Variants in EDEM2 observed in about 807,000 individuals in gnomAD.
EDEM2 encodes ER degradation-enhancing alpha-mannosidase-like protein 2.
EDEM2 carries 39 observed loss-of-function variants against 64.8 expected under a neutral mutation model. The observed-to-expected ratio is 0.60, with a 90% CI of 0.47 to 0.79. The LOEUF (loss-of-function observed/expected upper bound fraction) is 0.79. Ranked by LOEUF, EDEM2 falls within the 30% of genes least tolerant of loss-of-function variation. The probability of loss-of-function intolerance (pLI) is 0.00; values close to 1 mark genes in which losing one functional copy is unlikely to be tolerated. For synonymous variants in EDEM2, 296 were observed against 291.5 expected, an observed-to-expected ratio of 1.02 and a Z score of -0.16; for missense variants, 609 against 731.3, an observed-to-expected ratio of 0.83 and a Z score of 1.93.
intron 2 of EDEM2, among the ~76,000 whole-genome samples, chr20:35,146,002 C>CAAAAAAA (rs138113879): frequency 2.4e-5 from 2 of 82,792 alleles, no homozygotes; most frequent in African/African-American, 4.4e-5. Flanking sequence ...AACTCCATCT[C>CAAAAAAA]AAAAAAAAAA....
chr20:35,126,529 C>A (rs2085435411), intron 7 of EDEM2, among the ~76,000 whole-genome samples, 154 bp from the exon 8 acceptor site: 1 of 152,202 alleles, frequency 6.6e-6, no homozygotes. Flanking sequence ...TGGAGTCAAA[C>A]TTCCAGCTCA....
In EDEM2 at chr20:35,115,899, C is replaced by T. The variant is rs996131573; in HGVS notation, c.1271G>A (p.Arg424His). 6.2e-6 allele frequency: 10 copies of T among 1,613,920 alleles called. No individual in the cohort carries two copies. The highest frequency in any genetic ancestry group is 1.7e-5 in the Admixed American group (1 of 59,986). ...KDLRDHKLDN[R>H]MESFFLAETV... is the part of the protein sequence containing the mutation. ...CTCGGCCAGGAAGAACGACTCCATG[C>T]GGTTGTCCAGCTTGTGGTCTCGCAG... Residue 424 changes from arginine to histidine, a missense_variant, in exon 11 of 11, where the codon CGC (arginine) becomes CAC (histidine). By Grantham distance (29) the Arg-to-His change is conservative. Transcript: ENST00000374492.
chr20:35,133,010 G>A (rs1356885641), intron 6 of EDEM2, among the ~76,000 whole-genome samples: 1 of 152,180 alleles, frequency 6.6e-6, no homozygotes, highest in African/African-American at 2.4e-5. Flanking sequence ...CACCAGTAGA[G>A]GAGGGGGAAG....
rs976874332 is a variant in EDEM2 at position 35,127,665 on chromosome 20, C to T, written c.845-1290G>A. ...AGCTTGGCACAATGCTTGGTACATC[C>T]GTGGTATTCAATAAATATTTGTTGA... On this transcript the variant is annotated intron_variant, in intron 7 of 10. Transcript: ENST00000374492. Among the ~76,000 whole-genome samples, 7 of 152,148 alleles carry T rather than the reference C, an allele frequency of 4.6e-5. No individual in the cohort carries two copies. The East Asian group carries it at 9.6e-4, about 21-fold the overall frequency.
chr20:35,132,109 A>G (rs966729075), intron 6 of EDEM2, among the ~76,000 whole-genome samples: 6 of 152,128 alleles, frequency 3.9e-5, no homozygotes, highest in African/African-American at 1.4e-4. Context: ...CTGTTGCCGC[A>G]ATCTGTCTGA....
Position 35,134,967 on chromosome 20 carries a change from T to C in EDEM2, c.491-18A>G, listed in dbSNP as rs372240404. 8 of 1,612,026 alleles carry C rather than the reference T, an allele frequency of 5.0e-6. No homozygotes were observed. In the African/African-American group the frequency reaches 9.4e-5, roughly 19 times the overall value. ...CTGAAAGGCTGAACAATCGACAAAT[T>C]ATGATCCCGGACAGGAGCAGGGGGA... On this transcript the variant is annotated intron_variant, in intron 5 of 10. Coordinates refer to ENST00000374492, the MANE Select transcript of EDEM2 (RefSeq NM_018217.3).
At position 35,126,237 on chromosome 20, in the gene EDEM2, T is replaced by A. The variant is rs755354636; in HGVS notation, c.969+14A>T. On this transcript the variant is annotated intron_variant, in intron 8 of 10. Coordinates refer to ENST00000374492, the MANE Select transcript of EDEM2 (RefSeq NM_018217.3). ...ACTCATAGAAAGATGATCACATTCT[T>A]TGATCATTCCTACCTGAAGACCAGG... 3 of 1,610,022 alleles carry A rather than the reference T, an allele frequency of 1.9e-6. No individual in the cohort carries two copies. In the South Asian group the frequency reaches 3.3e-5, roughly 18 times the overall value.
At chr20:35,116,964 T>C (rs1300628283) in intron 10 of EDEM2, among the ~76,000 whole-genome samples, 1 of 152,118 alleles carries the variant, frequency 6.6e-6, no homozygotes, top group Non-Finnish European at 1.5e-5. Context: ...TAATTTTTTT[T>C]GTATTTTTAG....
intron 5 of EDEM2, 134 bp from the exon 6 acceptor site, chr20:35,135,083 G>T: frequency 1.1e-6 from 1 of 895,072 alleles, no homozygotes; most frequent in Non-Finnish European, 1.7e-6. Flanking sequence ...CTGAGCCAGA[G>T]AAAGATAAAT....
Position 35,115,780 on chromosome 20 carries a change from A to G in EDEM2, c.1390T>C (p.Cys464Arg). 6.2e-7 allele frequency: 1 copy of G among 1,613,910 alleles called. No individual in the cohort carries two copies. The highest frequency in any genetic ancestry group is 8.5e-7 in the Non-Finnish European group (1 of 1,179,976). Residue 464 changes from cysteine to arginine, a missense_variant, in exon 11 of 11, where the codon TGC becomes CGC. Cys to Arg is a radical substitution (Grantham distance 180). Coordinates refer to ENST00000374492, the MANE Select transcript of EDEM2 (RefSeq NM_018217.3). ...FDAVITPYGE[C>R]ILGAGGYIFN... ...ATGTACCCCCCAGCCCCCAGGATGC[A>G]CTCCCCATAGGGGGTGATCACCGCG...
intron 5 of EDEM2, among the ~76,000 whole-genome samples, chr20:35,136,306 G>C (rs1026962695): frequency 7.2e-5 from 11 of 152,224 alleles, no homozygotes; most frequent in East Asian, 1.9e-4. Flanking sequence ...GAGCAGCTAG[G>C]CAGAGTTTCC....
At chr20:35,146,710 TG>T in intron 2 of EDEM2, 114 bp downstream of exon 2, 1 of 1,137,914 alleles carries the variant, frequency 8.8e-7, no homozygotes, top group Non-Finnish European at 1.3e-6. Context: ...CTAGCTCAGC[TG>T]GGAGCTTTCT....
In EDEM2 at chr20:35,128,330, C is replaced by T. The variant is rs1040116854; in HGVS notation, c.845-1955G>A. On this transcript the variant is annotated intron_variant, in intron 7 of 10. Coordinates refer to ENST00000374492, the MANE Select transcript of EDEM2 (RefSeq NM_018217.3). ...TCCGGGAGGTGGAGTTTGTAGTGAGCGGAGATCACACCACTGCACTCCAGC... is the reference window on the plus strand; with the variant it reads ...TCCGGGAGGTGGAGTTTGTAGTGAGTGGAGATCACACCACTGCACTCCAGC... Among the ~76,000 whole-genome samples the T allele has an allele frequency of 1.6e-4, 23 of 145,156 alleles. 1 individual carries two copies. The highest frequency in any genetic ancestry group is 1.4e-3 in the Admixed American group (21 of 14,578).
Position 35,134,967 on chromosome 20 carries a change from T to TA in EDEM2, c.491-19dup. 1 of 1,612,144 alleles carries TA rather than the reference T, an allele frequency of 6.2e-7. No individual in the cohort carries two copies. Among genetic ancestry groups the TA allele is most frequent in the Non-Finnish European group, 8.5e-7 (1 of 1,179,476 alleles). On this transcript the variant is annotated intron_variant, in intron 5 of 10. Transcript: ENST00000374492. ...CTGAAAGGCTGAACAATCGACAAAT[T>TA]ATGATCCCGGACAGGAGCAGGGGGA...
At chr20:35,133,398 C>T (rs1172568428) in intron 6 of EDEM2, among the ~76,000 whole-genome samples, 2 of 151,572 alleles carry the variant, frequency 1.3e-5, no homozygotes, top group African/African-American at 4.9e-5. Context: ...GAGTCTACTA[C>T]GGTCCCACTG....
rs184063388 is a variant in EDEM2, at chr20:35,142,494, A to T, written c.259-16T>A. The stretch of plus-strand genomic sequence containing the variant: ...TCCCCAAAATCTGGAAATAAAAAAG[A>T]GACCTGACAATGAGGCTCTTACATG... On this transcript the variant is annotated splice_polypyrimidine_tract_variant and intron_variant, in intron 3 of 10. Transcript: ENST00000374492. The T allele has an allele frequency of 5.7e-5, 91 of 1,598,068 alleles. No homozygotes were observed. In the Admixed American group the frequency reaches 6.4e-4, roughly 11 times the overall value.
intron 5 of EDEM2, among the ~76,000 whole-genome samples, chr20:35,137,359 C>T (rs534641393): frequency 6.6e-6 from 1 of 152,312 alleles, no homozygotes; most frequent in Admixed American, 6.5e-5. Context: ...GCGGTGGTTA[C>T]AGTGACTTGA....
chr20:35,140,565 T>A (rs1271868507), intron 4 of EDEM2, among the ~76,000 whole-genome samples: 3 of 152,124 alleles, frequency 2.0e-5, no homozygotes, highest in African/African-American at 7.2e-5. Flanking sequence ...GTATGGAAGG[T>A]TTAAAACAAA....
intron 6 of EDEM2, among the ~76,000 whole-genome samples, chr20:35,133,211 T>C (rs2085529941): frequency 6.6e-6 from 1 of 152,078 alleles, no homozygotes; most frequent in African/African-American, 2.4e-5. Context: ...AGTTACCGGC[T>C]TGAGAGCTAC....
Sources: allele counts gnomAD v4.1 joint callset (sites outside exome capture counted in the v4.1 genomes callset), GRCh38; gene constraint gnomAD v4.1.1; transcripts MANE v1.5; gene names NCBI Gene and HGNC (gene_info 2026-07-23, HGNC 2026-07-21).